The following TDRP variants were observed in gnomAD, a reference collection of about 807,000 sequenced individuals.
TDRP encodes testis development-related protein.
Under a neutral mutation model 10.5 loss-of-function variants are expected in TDRP, and 12 were observed. The observed-to-expected ratio is 1.15, with a 90% CI of 0.73 to 1.86. The LOEUF (loss-of-function observed/expected upper bound fraction) is 1.86. Ranked by LOEUF, TDRP falls within the 40% of genes most tolerant of loss-of-function variation. The pLI is 0.00. For synonymous variants in TDRP, 139 were observed against 95.4 expected (o/e 1.46, Z -2.67); for missense variants, 353 against 229.2 (o/e 1.54, Z -3.49).
At chr8:540,255 T>C (rs537109921) in intron 1 of TDRP, among the ~76,000 whole-genome samples, 1 of 152,224 alleles carries the variant, frequency 6.6e-6, no homozygotes, top group Admixed American at 6.5e-5. Flanking sequence ...TCATTTAGTA[T>C]CCCACAGCCT....
At chr8:500,390 C>T (rs1330563997) in intron 1 of TDRP, among the ~76,000 whole-genome samples, 1 of 152,180 alleles carries the variant, frequency 6.6e-6, no homozygotes, top group Non-Finnish European at 1.5e-5. Context: ...TCGGCAGGCC[C>T]CACCAGTGCG....
At chr8:502,900 C>G (rs941256196) in intron 1 of TDRP, among the ~76,000 whole-genome samples, 5 of 145,704 alleles carry the variant, frequency 3.4e-5, no homozygotes, top group Admixed American at 2.0e-4. Flanking sequence ...AGCCACACAT[C>G]AGAACCTGTG....
intron 1 of TDRP, among the ~76,000 whole-genome samples, chr8:540,047 G>A (rs1217938651): frequency 6.6e-6 from 1 of 152,176 alleles, no homozygotes; most frequent in Non-Finnish European, 1.5e-5. Flanking sequence ...ATGCAATCCA[G>A]TTTAGAGGCA....
intron 1 of TDRP, among the ~76,000 whole-genome samples, chr8:504,402 G>C (rs573308883): frequency 6.6e-6 from 1 of 152,068 alleles, no homozygotes; most frequent in Non-Finnish European, 1.5e-5. Flanking sequence ...CACTTCAAGA[G>C]TCCTGAAGTC....
At chr8:516,242 C>A (rs13279025) in intron 1 of TDRP, among the ~76,000 whole-genome samples, 101,088 of 151,504 alleles carry the variant, frequency 0.67, 33,956 homozygotes, top group Admixed American at 0.7. Context: ...AAATCTCCCC[C>A]AAGTGAGCTA....
intron 1 of TDRP, among the ~76,000 whole-genome samples, chr8:535,440 A>G (rs1802320308): frequency 6.6e-6 from 1 of 152,104 alleles, no homozygotes; most frequent in African/African-American, 2.4e-5. Context: ...GATAAAACGA[A>G]CATAAAACGA....
intron 1 of TDRP, among the ~76,000 whole-genome samples, chr8:512,312 A>G (rs1801641508): frequency 6.6e-6 from 1 of 152,106 alleles, no homozygotes; most frequent in Admixed American, 6.5e-5. Context: ...ACACACCTGT[A>G]GTGCCAGCTC....
intron 1 of TDRP, among the ~76,000 whole-genome samples, chr8:544,375 G>T (rs1460954633): frequency 1.3e-5 from 2 of 152,048 alleles, no homozygotes; most frequent in Non-Finnish European, 2.9e-5. Context: ...CCCTGCAAGC[G>T]GCGAGAACGC....
At chr8:516,626 G>C (rs181486831) in intron 1 of TDRP, among the ~76,000 whole-genome samples, 3 of 152,154 alleles carry the variant, frequency 2.0e-5, no homozygotes, top group Non-Finnish European at 4.4e-5. Context: ...CAAGGACATG[G>C]AGCAGCAGGA....
chr8:524,302 C>G (rs932966333), intron 1 of TDRP, among the ~76,000 whole-genome samples: 3 of 152,142 alleles, frequency 2.0e-5, no homozygotes, highest in African/African-American at 7.2e-5. Context: ...CCTTTGAATA[C>G]TTGGAAAGCT....
intron 1 of TDRP, among the ~76,000 whole-genome samples, chr8:496,514 C>G (rs1343347665): frequency 6.6e-6 from 1 of 152,174 alleles, no homozygotes; most frequent in Non-Finnish European, 1.5e-5. Flanking sequence ...CACAAATGGC[C>G]AGGAAGCAAA....
intron 1 of TDRP, among the ~76,000 whole-genome samples, chr8:517,770 G>A (rs1467967229): frequency 2.0e-5 from 3 of 152,156 alleles, no homozygotes; most frequent in Admixed American, 6.5e-5. Flanking sequence ...TTGTCATTGT[G>A]TCTCAGAATA....
chr8:522,662 G>C (rs960434699), intron 1 of TDRP, among the ~76,000 whole-genome samples: 7 of 152,160 alleles, frequency 4.6e-5, no homozygotes, highest in African/African-American at 1.7e-4. Context: ...TTGACTCTTT[G>C]TTTGGGGCTC....
intron 1 of TDRP, among the ~76,000 whole-genome samples, chr8:503,739 G>A (rs927596321): frequency 1.3e-4 from 16 of 127,112 alleles, no homozygotes; most frequent in Admixed American, 3.2e-4. Flanking sequence ...ATCAGAACCC[G>A]TGCCCACCTC....
chr8:524,865 G>A (rs1455774886), intron 1 of TDRP, among the ~76,000 whole-genome samples: 5 of 152,144 alleles, frequency 3.3e-5, no homozygotes, highest in Admixed American at 6.5e-5. Flanking sequence ...TAAACAAGAA[G>A]TAGAGAACGA....
chr8:497,919 C>G (rs1343748550), intron 1 of TDRP, among the ~76,000 whole-genome samples: 2 of 152,184 alleles, frequency 1.3e-5, no homozygotes, highest in Non-Finnish European at 2.9e-5. Flanking sequence ...AAAGCCCAAG[C>G]CTTGGTGGTT....
At chr8:533,433 CACATCCAAAGGCACCA>C (rs1436826783) in intron 1 of TDRP, among the ~76,000 whole-genome samples, 2 of 152,296 alleles carry the variant, frequency 1.3e-5, no homozygotes, top group Non-Finnish European at 2.9e-5. Flanking sequence ...CCTTCATCTC[CACATCCAAAGGCACCA>C]ACTCTGATCA....
intron 2 of TDRP, 25 bp from the exon 3 acceptor site, chr8:492,769 G>A: frequency 6.5e-7 from 1 of 1,543,334 alleles, no homozygotes; most frequent in Non-Finnish European, 8.8e-7. Flanking sequence ...AGAGTTAGGT[G>A]TTGGTGACCC....
Position 491,775 on chromosome 8 carries a change from C to G in TDRP, c.*624G>C. 1 of 1,340,154 alleles carries G rather than the reference C, an allele frequency of 7.5e-7. No individual in the cohort carries two copies. Among genetic ancestry groups the G allele is most frequent in the Non-Finnish European group, 9.5e-7 (1 of 1,051,468 alleles). The allele number at this position is 1,340,154 out of a possible 1,614,324, so 83.0% of individuals were successfully genotyped here. ...TCCAAAAAAGAACCACTGTTACTAT[C>G]CAGTGGACATACAAGAAGCTATTCC... On this transcript the variant is annotated 3_prime_UTR_variant, in exon 3 of 3. Coordinates refer to ENST00000324079, the MANE Select transcript of TDRP (RefSeq NM_001384899.1).
Sources: gnomAD v4.1 joint callset for allele counts (sites outside exome capture counted in the v4.1 genomes callset) on GRCh38, gnomAD v4.1.1 for gene constraint, MANE v1.5 for transcripts, NCBI Gene and HGNC (gene_info 2026-07-23, HGNC 2026-07-21) for gene names.